FHIT: variants seen among roughly 807,000 people sequenced by gnomAD.
FHIT encodes fragile histidine triad diadenosine triphosphatase, also known as bis(5'-adenosyl)-triphosphatase.
Under a neutral mutation model 17.9 loss-of-function variants are expected in FHIT, and 19 were observed. The ratio of observed to expected loss-of-function variants is 1.06; its 90% CI spans 0.74 to 1.56. The LOEUF (loss-of-function observed/expected upper bound fraction) is 1.56. Ranked by LOEUF, FHIT falls within the 40% of genes most tolerant of loss-of-function variation. The probability of loss-of-function intolerance (pLI) is 0.00; values close to 1 mark genes in which losing one functional copy is unlikely to be tolerated. For synonymous variants in FHIT, 81 were observed against 69.7 expected (o/e 1.16, Z -0.81); for missense variants, 248 against 189.2 (o/e 1.31, Z -1.82).
intron 4 of FHIT, among the ~76,000 whole-genome samples, chr3:60,704,649 G>C (rs1553703025): frequency 6.6e-6 from 1 of 152,026 alleles, no homozygotes; most frequent in Non-Finnish European, 1.5e-5. Context: ...TTTGCAATTA[G>C]CTTCTGCATC....
intron 8 of FHIT, among the ~76,000 whole-genome samples, chr3:59,846,502 A>G (rs1392539872): frequency 6.6e-6 from 1 of 152,170 alleles, no homozygotes; most frequent in African/African-American, 2.4e-5. Context: ...TATAGAAAAC[A>G]AAACATGGAG....
chr3:60,710,302 C>T (rs556978551), intron 4 of FHIT, among the ~76,000 whole-genome samples: 9 of 152,184 alleles, frequency 5.9e-5, no homozygotes, highest in East Asian at 3.9e-4. Flanking sequence ...CCAAGATGTC[C>T]GAAGAGGAAC....
intron 8 of FHIT, among the ~76,000 whole-genome samples, chr3:59,757,515 C>T (rs374774501): frequency 3.3e-5 from 5 of 152,202 alleles, no homozygotes; most frequent in East Asian, 3.9e-4. Context: ...TTGCTCAAAC[C>T]GCCTTTGCTA....
chr3:60,313,785 A>G (rs1267181617), intron 5 of FHIT, among the ~76,000 whole-genome samples: 1 of 152,192 alleles, frequency 6.6e-6, no homozygotes, highest in African/African-American at 2.4e-5. Flanking sequence ...GATCTTTCTA[A>G]TCTTGACTCT....
intron 8 of FHIT, among the ~76,000 whole-genome samples, chr3:59,891,691 G>A (rs1164446422): frequency 6.6e-6 from 1 of 152,172 alleles, no homozygotes; most frequent in East Asian, 1.9e-4. Context: ...TCATCTCTTC[G>A]ATGGGCATTC....
chr3:59,893,447 C>T (rs1018798397), intron 8 of FHIT, among the ~76,000 whole-genome samples: 2 of 152,140 alleles, frequency 1.3e-5, no homozygotes, highest in African/African-American at 4.8e-5. Context: ...GATTTATATG[C>T]TCTAATATGG....
chr3:59,978,047 G>C (rs529986370), intron 7 of FHIT, among the ~76,000 whole-genome samples: 2 of 152,270 alleles, frequency 1.3e-5, no homozygotes, highest in East Asian at 3.9e-4. Context: ...ACTATGCTAT[G>C]TATGGGCTGT....
At chr3:60,038,501 ACGTT>A (rs1216576782) in intron 5 of FHIT, among the ~76,000 whole-genome samples, 2 of 152,224 alleles carry the variant, frequency 1.3e-5, no homozygotes, top group Non-Finnish European at 2.9e-5. Context: ...AGTTGCTTGT[ACGTT>A]TGTCTTTAAC....
chr3:60,106,412 A>G (rs556511703), intron 5 of FHIT, among the ~76,000 whole-genome samples: 1 of 152,192 alleles, frequency 6.6e-6, no homozygotes, highest in African/African-American at 2.4e-5. Flanking sequence ...TTTTGCTCTC[A>G]CACCTCAAAC....
At chr3:60,948,993 C>T (rs777731547) in intron 3 of FHIT, among the ~76,000 whole-genome samples, 38 of 152,004 alleles carry the variant, frequency 2.5e-4, no homozygotes, top group Non-Finnish European at 5.0e-4. Context: ...ATTAACCTTA[C>T]TTTGCAACAT....
intron 5 of FHIT, among the ~76,000 whole-genome samples, chr3:60,352,374 T>G (rs1373352961): frequency 2.6e-5 from 4 of 152,200 alleles, no homozygotes; most frequent in Non-Finnish European, 5.9e-5. Context: ...ATGTTAAAAT[T>G]GAAAGAAATA....
chr3:59,788,879 A>ATTTTTTTTTTTTTT (rs896400961), intron 8 of FHIT, among the ~76,000 whole-genome samples: 1 of 3,324 alleles, frequency 3.0e-4, no homozygotes, highest in Non-Finnish European at 7.0e-4. Context: ...CTGAGTTCAT[A>ATTTTTTTTTTTTTT]TGTTTTTTTT....
chr3:60,940,335 T>G, intron 3 of FHIT, among the ~76,000 whole-genome samples: 1 of 150,102 alleles, frequency 6.7e-6, no homozygotes, highest in Admixed American at 6.6e-5. Flanking sequence ...ATAAGTCAAT[T>G]TTATAGAACA....
chr3:60,475,331 C>T (rs1317330064), intron 5 of FHIT, among the ~76,000 whole-genome samples: 1 of 152,094 alleles, frequency 6.6e-6, no homozygotes, highest in Non-Finnish European at 1.5e-5. Context: ...ATGATGCATG[C>T]CACAGGTTTG....
chr3:60,550,466 G>A (rs1325068230), intron 4 of FHIT, among the ~76,000 whole-genome samples: 1 of 152,250 alleles, frequency 6.6e-6, no homozygotes, highest in Admixed American at 6.5e-5. Context: ...ATCAACTTAT[G>A]TCACTAAAAA....
intron 5 of FHIT, among the ~76,000 whole-genome samples, chr3:60,089,641 G>A (rs1039021441): frequency 4.6e-5 from 7 of 152,134 alleles, no homozygotes; most frequent in African/African-American, 1.2e-4. Context: ...CACCATTAGC[G>A]CTGCTCTAAC....
At chr3:60,081,187 T>C (rs1330309617) in intron 5 of FHIT, among the ~76,000 whole-genome samples, 1 of 152,082 alleles carries the variant, frequency 6.6e-6, no homozygotes. Flanking sequence ...AAAATGCAGA[T>C]TCCTGGGCTC....
At chr3:61,062,395 C>T (rs879929025) in intron 2 of FHIT, among the ~76,000 whole-genome samples, 19 of 152,118 alleles carry the variant, frequency 1.2e-4, no homozygotes, top group Non-Finnish European at 2.5e-4. Context: ...TCAAAATATC[C>T]TTTTGCCCCT....
chr3:61,070,479 G>A (rs13068378), intron 2 of FHIT, among the ~76,000 whole-genome samples: 67,844 of 151,936 alleles, frequency 0.45, 19,176 homozygotes, highest in Non-Finnish European at 0.64. Context: ...CCGTGGAAAT[G>A]GACAGACTTG....
Sources: gnomAD v4.1 joint callset for allele counts (sites outside exome capture counted in the v4.1 genomes callset) on GRCh38, gnomAD v4.1.1 for gene constraint, MANE v1.5 for transcripts, NCBI Gene and HGNC (gene_info 2026-07-23, HGNC 2026-07-21) for gene names.